The following ATP1B1 variants were observed in gnomAD, a reference collection of about 807,000 sequenced individuals.
ATP1B1 encodes the protein sodium/potassium-transporting ATPase subunit beta-1.
ATP1B1 carries 3 observed loss-of-function variants against 39.6 expected under a neutral mutation model. That is an observed-to-expected ratio of 0.08 (90% CI 0.03 to 0.20). The LOEUF is 0.20. Ranked by LOEUF, ATP1B1 falls within the 10% of genes least tolerant of loss-of-function variation. ATP1B1 has a pLI of 1.00. For synonymous variants in ATP1B1, 139 were observed against 135.0 expected (o/e 1.03, Z -0.20); for missense variants, 216 against 371.1 (o/e 0.58, Z 3.43).
chr1:169,111,536 T>G, intron 2 of ATP1B1, 38 bp downstream of exon 2: 1 of 1,598,106 alleles, frequency 6.3e-7, no homozygotes. Flanking sequence ...CCTTCAGAGA[T>G]AGCATGGGTG....
chr1:169,123,196 A>T (rs1289952187), intron 2 of ATP1B1, among the ~76,000 whole-genome samples: 1 of 152,150 alleles, frequency 6.6e-6, no homozygotes, highest in Non-Finnish European at 1.5e-5. Flanking sequence ...TATCTGAGTC[A>T]CTGTTGCCAC....
chr1:169,127,462 TAA>T, intron 4 of ATP1B1, 54 bp downstream of exon 4: 1 of 1,530,124 alleles, frequency 6.5e-7, no homozygotes. Context: ...ACTAAGTACT[TAA>T]TTGATCTGAG....
At chr1:169,109,422 C>T (rs1657680701) in intron 1 of ATP1B1, among the ~76,000 whole-genome samples, 1 of 152,072 alleles carries the variant, frequency 6.6e-6, no homozygotes, top group Non-Finnish European at 1.5e-5. Context: ...GAGTGAGCCA[C>T]TGCATAGGCC....
intron 1 of ATP1B1, among the ~76,000 whole-genome samples, 173 bp from the exon 2 acceptor site, chr1:169,111,193 CAGCT>C (rs1657720879): frequency 6.6e-6 from 1 of 152,170 alleles, no homozygotes; most frequent in African/African-American, 2.4e-5. Flanking sequence ...GAGGGCTGCC[CAGCT>C]TCTCGATTTT....
intron 2 of ATP1B1, among the ~76,000 whole-genome samples, chr1:169,118,259 A>AG (rs1657896121): frequency 6.6e-6 from 1 of 152,228 alleles, no homozygotes; most frequent in African/African-American, 2.4e-5. Flanking sequence ...TAGCTTAGAC[A>AG]GGAGGAATGA....
chr1:169,122,843 G>T (rs1658010083), intron 2 of ATP1B1, among the ~76,000 whole-genome samples: 2 of 144,614 alleles, frequency 1.4e-5, no homozygotes, highest in South Asian at 4.4e-4. Context: ...CTTCCATCTT[G>T]GCCTCCCAAA....
chr1:169,123,379 G>A (rs1347321734), intron 2 of ATP1B1, among the ~76,000 whole-genome samples: 1 of 151,896 alleles, frequency 6.6e-6, no homozygotes, highest in Non-Finnish European at 1.5e-5. Context: ...TAGTGACATA[G>A]GTGCTTTCCT....
In ATP1B1 at chr1:169,131,638, CTG is replaced by C. The variant is rs756348360; in HGVS notation, c.*85_*86del. 5.8e-4 allele frequency: 859 copies of C among 1,468,574 alleles called. No individual in the cohort carries two copies. Among genetic ancestry groups the C allele is most frequent in the Non-Finnish European group, 7.2e-4 (788 of 1,089,378 alleles). The allele number at this position is 1,468,574 out of a possible 1,614,324, so 91.0% of individuals were successfully genotyped here. A position where few individuals can be genotyped will look rare whatever the true frequency, so the allele number is the denominator to read the frequency against. On this transcript the variant is annotated 3_prime_UTR_variant, in exon 6 of 6. Transcript: ENST00000367815. The surrounding 1 kb of genome is among the most constrained non-coding windows in gnomAD (Gnocchi z 4.4). ...CAAAAACCTACTAGTCTTGAACAAA[CTG>C]TCATACGTATGGGACCTACACTTAA...
chr1:169,110,586 T>TTTTTTTTTTC, intron 1 of ATP1B1: 1 of 898,572 alleles, frequency 1.1e-6, no homozygotes, highest in Non-Finnish European at 1.4e-6. Flanking sequence ...TTTTTTTTTT[T>TTTTTTTTTTC]GCTTTTGCAG....
chr1:169,106,820 C>T lies in ATP1B1; in HGVS notation c.-10C>T, dbSNP rs750469787. On this transcript the variant is annotated 5_prime_UTR_variant, in exon 1 of 6. Transcript: ENST00000367815. The stretch of plus-strand genomic sequence containing the variant: ...CTCCGGACCGCGGCAGCTGCTGACC[C>T]GCCATCGCCATGGCCCGCGGGAAAG... 14 of 1,572,112 alleles carry T rather than the reference C, an allele frequency of 8.9e-6. No individual in the cohort carries two copies. Among genetic ancestry groups the T allele is most frequent in the African/African-American group, 1.4e-5 (1 of 70,706 alleles).
chr1:169,114,868 C>G (rs1200143), intron 2 of ATP1B1, among the ~76,000 whole-genome samples: 28,811 of 151,262 alleles, frequency 0.19, 3,276 homozygotes, highest in African/African-American at 0.33. Context: ...CACACACACA[C>G]AAAAAATTTT....
chr1:169,130,779 C>CAAAAAAAAA (rs57542049), intron 5 of ATP1B1, among the ~76,000 whole-genome samples: 1 of 73,994 alleles, frequency 1.4e-5, no homozygotes, highest in African/African-American at 5.7e-5. Context: ...AAGACTATCT[C>CAAAAAAAAA]AAAAAAAAAA....
At chr1:169,114,956 A>G (rs1242458989) in intron 2 of ATP1B1, among the ~76,000 whole-genome samples, 1 of 152,066 alleles carries the variant, frequency 6.6e-6, no homozygotes, top group African/African-American at 2.4e-5. Context: ...CTTCCGAGGC[A>G]GGCGGATCAT....
At chr1:169,110,705 T>C in intron 1 of ATP1B1, 2 of 1,279,676 alleles carry the variant, frequency 1.6e-6, no homozygotes, top group South Asian at 1.3e-5. Flanking sequence ...AATTAAAATG[T>C]GCTGGTCATT....
chr1:169,117,031 T>G (rs568033859), intron 2 of ATP1B1, among the ~76,000 whole-genome samples: 1 of 152,316 alleles, frequency 6.6e-6, no homozygotes, highest in African/African-American at 2.4e-5. Flanking sequence ...TCACTCACAC[T>G]TCAAAGGAGA....
At chr1:169,109,383 T>C (rs1657679404) in intron 1 of ATP1B1, among the ~76,000 whole-genome samples, 1 of 152,102 alleles carries the variant, frequency 6.6e-6, no homozygotes, top group Non-Finnish European at 1.5e-5. Flanking sequence ...TTTTTTTGGC[T>C]AGTGGGGAGC....
intron 1 of ATP1B1, chr1:169,110,613 C>A: frequency 9.4e-7 from 1 of 1,064,016 alleles, no homozygotes; most frequent in Non-Finnish European, 1.2e-6. Flanking sequence ...CAGCCTCCAT[C>A]CTGTTGTCTT....
intron 2 of ATP1B1, among the ~76,000 whole-genome samples, chr1:169,115,433 C>T (rs1571221454): frequency 6.6e-6 from 1 of 150,398 alleles, no homozygotes; most frequent in African/African-American, 2.5e-5. Context: ...ACTGCAACCT[C>T]TGCCCCCTGG....
chr1:169,132,191 T>C lies in ATP1B1; in HGVS notation c.*636T>C. ...CATGGGGGAACTGCCCTTTAAATTT[T>C]AAGTGACACTACAGAAAAACACAAA... is the stretch of plus-strand genomic sequence containing the variant. On this transcript the variant is annotated 3_prime_UTR_variant, in exon 6 of 6. Coordinates refer to ENST00000367815, the MANE Select transcript of ATP1B1 (RefSeq NM_001677.4). The C allele has an allele frequency of 1.5e-6, 1 of 656,672 alleles. No homozygotes were observed. Among genetic ancestry groups the C allele is most frequent in the Admixed American group, 2.2e-5 (1 of 46,288 alleles). The allele number at this position is 656,672 out of a possible 1,614,324, so 40.7% of individuals were successfully genotyped here.
Sources: gnomAD v4.1 joint callset for allele counts (sites outside exome capture counted in the v4.1 genomes callset) on GRCh38, gnomAD v4.1.1 for gene constraint, Gnocchi (gnomAD v3.1) non-coding constraint, MANE v1.5 for transcripts, NCBI Gene and HGNC (gene_info 2026-07-23, HGNC 2026-07-21) for gene names.